MYH7B: variants seen among roughly 807,000 people sequenced by gnomAD.
The protein encoded by MYH7B is myosin-7B.
A neutral mutation model predicts 234.5 loss-of-function variants in MYH7B; 205 were observed. That is an observed-to-expected ratio of 0.87 (90% CI 0.78 to 0.98). The LOEUF is 0.98. Among genes scored for constraint, MYH7B ranks in the 50% least tolerant of loss-of-function variants. MYH7B has a pLI of 0.00. For missense variants in MYH7B, 2,652 were observed against 2,633.4 expected (o/e 1.01, Z -0.15); for synonymous variants, 1,193 against 1,105.0 (o/e 1.08, Z -1.58).
chr20:34,965,532 C>T (rs1415056729), intron 2 of MYH7B, among the ~76,000 whole-genome samples: 3 of 152,190 alleles, frequency 2.0e-5, no homozygotes, highest in African/African-American at 7.2e-5. Flanking sequence ...TGCTGGGGAC[C>T]CAGAATGGGA....
chr20:34,986,264 C>A, intron 14 of MYH7B, 66 bp downstream of exon 14: 1 of 1,300,356 alleles, frequency 7.7e-7, no homozygotes, highest in Non-Finnish European at 1.1e-6. Flanking sequence ...CGCTTCCTGG[C>A]CCCCATCAGG....
At chr20:34,987,866 G>A (rs1428382996) in exon 18 of MYH7B, 23 of 1,612,180 alleles carry the variant, frequency 1.4e-5, no homozygotes, top group Non-Finnish European at 1.8e-5. Flanking sequence ...AGCTGCCCCG[G>A]CAGTTCTTCA....
intron 2 of MYH7B, among the ~76,000 whole-genome samples, chr20:34,961,186 A>C (rs1272416895): frequency 2.6e-5 from 4 of 152,108 alleles, no homozygotes; most frequent in Non-Finnish European, 5.9e-5. Context: ...CTTGTTATAT[A>C]CTTATGTATC....
intron 1 of MYH7B, among the ~76,000 whole-genome samples, chr20:34,957,420 GGAGT>G (rs1463030037): frequency 6.6e-6 from 1 of 151,936 alleles, no homozygotes; most frequent in African/African-American, 2.4e-5. Context: ...AAGAAATTTA[GGAGT>G]GAGAACTCCT....
intron 9 of MYH7B, chr20:34,981,284 A>T: frequency 2.0e-6 from 1 of 506,966 alleles, no homozygotes. Context: ...GACACCCACA[A>T]ACGGAGTGAC....
chr20:34,982,825 T>C (rs2081960417), intron 10 of MYH7B, among the ~76,000 whole-genome samples: 1 of 152,208 alleles, frequency 6.6e-6, no homozygotes, highest in South Asian at 2.1e-4. Flanking sequence ...GTGTAATTTT[T>C]ATCTTCCATT....
exon 15 of MYH7B, chr20:34,986,928 G>T: frequency 6.2e-7 from 1 of 1,614,092 alleles, no homozygotes; most frequent in African/African-American, 1.3e-5. Flanking sequence ...TACCACTTCT[G>T]CAGCCAGGGC....
chr20:34,978,554 A>G (rs2081892827), intron 5 of MYH7B, among the ~76,000 whole-genome samples: 1 of 152,140 alleles, frequency 6.6e-6, no homozygotes, highest in Admixed American at 6.5e-5. Context: ...GACAATACTA[A>G]CAATAGGCAG....
chr20:34,963,070 C>A (rs1293439322), intron 2 of MYH7B, among the ~76,000 whole-genome samples: 2 of 152,246 alleles, frequency 1.3e-5, no homozygotes, highest in Admixed American at 6.5e-5. Flanking sequence ...TGCACTCCAG[C>A]CTGGGTGACA....
At chr20:34,969,196 C>T (rs1569028233) in intron 2 of MYH7B, among the ~76,000 whole-genome samples, 1 of 152,112 alleles carries the variant, frequency 6.6e-6, no homozygotes, top group Non-Finnish European at 1.5e-5. Context: ...AGGCTGAAGG[C>T]AGTGGGCCCA....
rs747676530 is a variant in MYH7B, at chr20:34,985,139, C to A, written c.805+10C>A. On this transcript the variant is annotated intron_variant, in intron 13 of 44. Transcript: ENST00000262873. Reference sequence around the variant, plus strand: ...GCGGATATTGACAGCTGTGAGTCAACCCCCTGCGGGCGGTGCAGGGGAAGG... The same window carrying A: ...GCGGATATTGACAGCTGTGAGTCAAACCCCTGCGGGCGGTGCAGGGGAAGG... The A allele has an allele frequency of 6.2e-7, 1 of 1,613,196 alleles. No homozygotes were observed. The highest frequency in any genetic ancestry group is 8.5e-7 in the Non-Finnish European group (1 of 1,179,256).
At chr20:34,987,263 C>G in exon 16 of MYH7B, 1 of 1,611,372 alleles carries the variant, frequency 6.2e-7, no homozygotes, top group African/African-American at 1.3e-5. Flanking sequence ...GCGGGAGGAG[C>G]AGGCGGAGGC....
exon 27 of MYH7B, chr20:34,994,176 C>A: frequency 6.2e-7 from 1 of 1,613,436 alleles, no homozygotes; most frequent in Non-Finnish European, 8.5e-7. Context: ...AGTGGAACAT[C>A]CGTGCCTTCA....
intron 11 of MYH7B, 57 bp downstream of exon 11, chr20:34,984,772 C>A (rs905113328): frequency 5.8e-5 from 93 of 1,601,696 alleles, no homozygotes; most frequent in African/African-American, 2.7e-5. Flanking sequence ...TTCCTCTGCA[C>A]AACAGAGGGG....
Position 34,957,452 on chromosome 20 carries a change from G to T in MYH7B, c.-336-646G>T, listed in dbSNP as rs1252553115. ...GAACTCCTAGTGATCGTAAATCAGT[G>T]GCCCAACCCAGGGACCAAGATCCTT... is the stretch of plus-strand genomic sequence containing the variant. On this transcript the variant is annotated intron_variant, in intron 1 of 44. Coordinates refer to ENST00000262873, the Ensembl canonical transcript of MYH7B. 2.7e-5 allele frequency among the ~76,000 whole-genome samples: 4 copies of T among 150,846 alleles called. No individual in the cohort carries two copies. The East Asian group carries it at 7.8e-4, about 29-fold the overall frequency.
rs182756314 is a variant in MYH7B at position 35,000,717 on chromosome 20, G to A, written c.5178+28G>A. On this transcript the variant is annotated intron_variant, in intron 39 of 44. Transcript: ENST00000262873. The stretch of plus-strand genomic sequence containing the variant: ...GGGGACAGGAGTCCCTGGGGACAGA[G>A]CAGGTGCAGGCCTGCTGGCTGGCTG... The A allele has an allele frequency of 3.9e-4, 623 of 1,603,522 alleles. 4 individuals carry two copies. The African/African-American group carries it at 6.9e-3, about 18-fold the overall frequency.
chr20:34,979,911 G>A (rs2081917348), intron 7 of MYH7B, 107 bp downstream of exon 7: 2 of 1,264,800 alleles, frequency 1.6e-6, no homozygotes, highest in East Asian at 2.5e-5. Context: ...GGCTGTGAGC[G>A]GTGGATCGGG....
chr20:34,971,509 A>G (rs890206100), intron 2 of MYH7B, among the ~76,000 whole-genome samples: 1 of 152,014 alleles, frequency 6.6e-6, no homozygotes, highest in Non-Finnish European at 1.5e-5. Flanking sequence ...CAAGCCTCAG[A>G]GCTGGGGCCC....
intron 24 of MYH7B, among the ~76,000 whole-genome samples, chr20:34,991,780 C>T (rs367688673): frequency 1.8e-4 from 27 of 152,244 alleles, no homozygotes; most frequent in African/African-American, 6.5e-4. Flanking sequence ...GTCATCCACA[C>T]TATCCTTTGT....
Sources: allele counts gnomAD v4.1 joint callset (sites outside exome capture counted in the v4.1 genomes callset), GRCh38; gene constraint gnomAD v4.1.1; transcripts MANE v1.5; gene names NCBI Gene and HGNC (gene_info 2026-07-23, HGNC 2026-07-21).